CNTNAP5: variants seen among roughly 807,000 people sequenced by gnomAD.
CNTNAP5 encodes the protein contactin associated protein family member 5.
CNTNAP5 carries 72 observed loss-of-function variants against 150.2 expected under a neutral mutation model. The observed-to-expected ratio is 0.48, with a 90% CI of 0.40 to 0.58. CNTNAP5 has a LOEUF of 0.58. CNTNAP5 is among the 20% of genes least tolerant of loss of function. The pLI, the probability that CNTNAP5 is intolerant of heterozygous loss-of-function variation, is 0.00. For missense variants in CNTNAP5, 1,636 were observed against 1,626.2 expected, an observed-to-expected ratio of 1.01 and a Z score of -0.10; for synonymous variants, 672 against 619.8, an observed-to-expected ratio of 1.08 and a Z score of -1.25.
intron 10 of CNTNAP5, among the ~76,000 whole-genome samples, chr2:124,555,869 G>T (rs142250970): frequency 7.9e-5 from 12 of 152,244 alleles, no homozygotes; most frequent in Admixed American, 2.6e-4. Context: ...TTCCCATTGG[G>T]AATTTGTAGA....
At chr2:124,662,873 A>C (rs1267468755) in intron 13 of CNTNAP5, among the ~76,000 whole-genome samples, 1 of 152,260 alleles carries the variant, frequency 6.6e-6, no homozygotes, top group African/African-American at 2.4e-5. Context: ...ACATATATGC[A>C]CTTTACATGT....
chr2:124,877,444 C>A (rs1194553874), intron 21 of CNTNAP5, among the ~76,000 whole-genome samples: 3 of 152,048 alleles, frequency 2.0e-5, no homozygotes, highest in African/African-American at 7.2e-5. Flanking sequence ...CACGGATTTG[C>A]CAGACATTAC....
intron 6 of CNTNAP5, among the ~76,000 whole-genome samples, chr2:124,472,599 C>T (rs1447773770): frequency 6.6e-6 from 1 of 150,922 alleles, no homozygotes; most frequent in East Asian, 1.9e-4. Flanking sequence ...CATATGATTA[C>T]CATCATACCT....
At chr2:124,829,382 T>C (rs1682666433) in intron 19 of CNTNAP5, among the ~76,000 whole-genome samples, 1 of 152,176 alleles carries the variant, frequency 6.6e-6, no homozygotes, top group South Asian at 2.1e-4. Context: ...GTGATCTTCA[T>C]TTGTATTTGT....
intron 21 of CNTNAP5, among the ~76,000 whole-genome samples, chr2:124,875,698 GTT>G (rs5834090): frequency 0.02 from 2,589 of 126,772 alleles, 49 homozygotes; most frequent in African/African-American, 0.063. Context: ...AACCATGAGG[GTT>G]TTTTTTTTTT....
intron 3 of CNTNAP5, among the ~76,000 whole-genome samples, chr2:124,319,640 C>T (rs1025033336): frequency 9.2e-5 from 14 of 152,146 alleles, no homozygotes; most frequent in Admixed American, 9.2e-4. Context: ...CAGGGTTTCT[C>T]AGCCTCAGCA....
chr2:124,026,825 A>G (rs113735275), intron 1 of CNTNAP5, among the ~76,000 whole-genome samples: 5 of 152,332 alleles, frequency 3.3e-5, no homozygotes, highest in African/African-American at 1.2e-4. Context: ...CAGTAGGAAG[A>G]TTACTTACCA....
intron 1 of CNTNAP5, among the ~76,000 whole-genome samples, chr2:124,190,586 C>G (rs1265936454): frequency 6.6e-6 from 1 of 152,100 alleles, no homozygotes; most frequent in Admixed American, 6.5e-5. Flanking sequence ...AAACCGAAAG[C>G]TCAATTAAAC....
At chr2:124,153,347 A>G (rs1188214880) in intron 1 of CNTNAP5, among the ~76,000 whole-genome samples, 1 of 152,184 alleles carries the variant, frequency 6.6e-6, no homozygotes, top group African/African-American at 2.4e-5. Flanking sequence ...TGCTGGGTTC[A>G]GATGCTGACT....
chr2:124,821,529 A>C (rs527427493), intron 19 of CNTNAP5, among the ~76,000 whole-genome samples: 1 of 152,194 alleles, frequency 6.6e-6, no homozygotes, highest in Admixed American at 6.5e-5. Context: ...TGATCCTGGG[A>C]CCACACTTTG....
At chr2:124,399,158 A>C (rs2104756423) in intron 3 of CNTNAP5, among the ~76,000 whole-genome samples, 1 of 152,196 alleles carries the variant, frequency 6.6e-6, no homozygotes, top group East Asian at 1.9e-4. Flanking sequence ...GGAAGGGAAA[A>C]ATTTCATTGC....
intron 21 of CNTNAP5, among the ~76,000 whole-genome samples, chr2:124,897,613 T>G (rs142929189): frequency 6.6e-6 from 1 of 151,392 alleles, no homozygotes; most frequent in East Asian, 1.9e-4. Context: ...TGTTAGTGAG[T>G]GAATGGCTGT....
chr2:124,420,163 G>A (rs115746188), intron 4 of CNTNAP5, among the ~76,000 whole-genome samples: 12 of 151,020 alleles, frequency 7.9e-5, no homozygotes, highest in East Asian at 3.9e-4. Flanking sequence ...GCTAATTTTC[G>A]TATCTTTAGT....
chr2:124,769,017 G>A (rs193077986), intron 16 of CNTNAP5, among the ~76,000 whole-genome samples: 131 of 152,232 alleles, frequency 8.6e-4, no homozygotes, highest in African/African-American at 3.1e-3. Context: ...CTATGTTAAG[G>A]CCTTATGAAT....
chr2:124,696,637 A>C (rs1679411983), intron 13 of CNTNAP5, among the ~76,000 whole-genome samples: 1 of 152,142 alleles, frequency 6.6e-6, no homozygotes, highest in African/African-American at 2.4e-5. Flanking sequence ...TTCGTCAAAT[A>C]AATCAATGAA....
chr2:124,704,667 A>G (rs1679596628), intron 13 of CNTNAP5, among the ~76,000 whole-genome samples: 1 of 152,170 alleles, frequency 6.6e-6, no homozygotes, highest in Non-Finnish European at 1.5e-5. Context: ...ATTCTGGAGG[A>G]AAAATGCCAG....
chr2:124,352,572 T>A (rs912457812), intron 3 of CNTNAP5, among the ~76,000 whole-genome samples: 1 of 152,188 alleles, frequency 6.6e-6, no homozygotes, highest in Non-Finnish European at 1.5e-5. Flanking sequence ...GGAAGTTACA[T>A]GACATTTCTC....
intron 13 of CNTNAP5, among the ~76,000 whole-genome samples, chr2:124,713,574 C>T (rs1679883628): frequency 6.6e-6 from 1 of 151,776 alleles, no homozygotes; most frequent in Non-Finnish European, 1.5e-5. Context: ...CAGGGTTTCA[C>T]TATGTCGGCT....
chr2:124,410,101 T>G (rs1305200574), intron 3 of CNTNAP5, among the ~76,000 whole-genome samples: 2 of 152,186 alleles, frequency 1.3e-5, no homozygotes, highest in South Asian at 2.1e-4. Flanking sequence ...ATAAAATACT[T>G]TAAACCAACA....
Sources: gnomAD v4.1 joint callset for allele counts (sites outside exome capture counted in the v4.1 genomes callset) on GRCh38, gnomAD v4.1.1 for gene constraint, MANE v1.5 for transcripts, NCBI Gene and HGNC (gene_info 2026-07-23, HGNC 2026-07-21) for gene names.